Variants in FOCAD observed in about 807,000 individuals in gnomAD.
The protein encoded by FOCAD is focadhesin, also known as KIAA1797.
In FOCAD, 198 loss-of-function variants were observed where a neutral mutation model predicts 225.6. The ratio of observed to expected loss-of-function variants is 0.88; its 90% confidence interval spans 0.78 to 0.99. FOCAD has a LOEUF of 0.99. Ranked by LOEUF, FOCAD falls within the 50% of genes least tolerant of loss-of-function variation. FOCAD has a pLI of 0.00. For missense variants in FOCAD, 2,713 were observed against 2,123.6 expected (o/e 1.28, Z -5.46); for synonymous variants, 897 against 755.0 (o/e 1.19, Z -3.08).
chr9:20,991,812 C>CAA (rs58403366), intron 42 of FOCAD, among the ~76,000 whole-genome samples: 21,190 of 105,216 alleles, frequency 0.2, 2,302 homozygotes, highest in South Asian at 0.3. Context: ...GACTCTGTCT[C>CAA]AAAAAAAAAA....
intron 15 of FOCAD, among the ~76,000 whole-genome samples, chr9:20,850,615 A>G (rs188109381): frequency 4.3e-4 from 65 of 151,864 alleles, no homozygotes; most frequent in Non-Finnish European, 8.4e-4. Context: ...ACTTTTTAGG[A>G]GTTGCATGAG....
chr9:20,890,370 G>GT lies in FOCAD; in HGVS notation c.2625+5155dup, dbSNP rs773370674. ...CCTTCTAGTCCTAGATTTCTGAGAG[G>GT]TTTTTTTTTTTTTTTAATCACAAAT... On this transcript the variant is annotated intron_variant, in intron 21 of 43. Coordinates refer to ENST00000338382, the MANE Select transcript of FOCAD (RefSeq NM_001375567.1). Among the ~76,000 whole-genome samples, 955 of 132,924 alleles carry GT rather than the reference G, an allele frequency of 7.2e-3. 7 individuals are homozygous for GT. Among genetic ancestry groups the GT allele is most frequent in the Admixed American group, 0.03 (407 of 13,388 alleles). The allele number at this position is 132,924 out of a possible 152,430, so 87.2% of individuals were successfully genotyped here.
At chr9:20,793,701 C>G (rs955267271) in intron 11 of FOCAD, among the ~76,000 whole-genome samples, 3 of 152,152 alleles carry the variant, frequency 2.0e-5, no homozygotes, top group African/African-American at 4.8e-5. Context: ...CTGCTTCCAA[C>G]TGATATCAGG....
chr9:20,942,474 A>G (rs893343296), intron 28 of FOCAD, among the ~76,000 whole-genome samples: 2 of 152,222 alleles, frequency 1.3e-5, no homozygotes, highest in African/African-American at 4.8e-5. Flanking sequence ...TTCTGAAATT[A>G]GTCTGGCAAG....
Position 20,720,423 on chromosome 9 carries a change from A to T in FOCAD, c.176A>T (p.Asn59Ile), listed in dbSNP as rs764916026. 3.7e-6 allele frequency: 6 copies of T among 1,614,038 alleles called. No individual in the cohort carries two copies. The East Asian group carries it at 1.3e-4, about 36-fold the overall frequency. ...NLLWEKCCSDNVVVRTACCEG... is the reference protein window; with the variant it reads ...NLLWEKCCSDIVVVRTACCEG... ...CTGTGGGAGAAGTGTTGCAGTGACA[A>T]TGTAGTGGTTCGAACAGCCTGCTGT... Residue 59 changes from asparagine to isoleucine, a missense_variant, in exon 4 of 44, where the codon AAT becomes ATT. By Grantham distance (149) the Asn-to-Ile change is moderately radical. Transcript: ENST00000338382.
At chr9:20,905,496 A>G (rs1832879671) in intron 21 of FOCAD, among the ~76,000 whole-genome samples, 1 of 152,040 alleles carries the variant, frequency 6.6e-6, no homozygotes, top group Non-Finnish European at 1.5e-5. Context: ...TCTATGGATT[A>G]TTCGGCAAAA....
In FOCAD at chr9:20,797,229, C is replaced by A. The variant is rs150389086; in HGVS notation, c.1455+7621C>A. On this transcript the variant is annotated intron_variant, in intron 11 of 43. Coordinates refer to ENST00000338382, the MANE Select transcript of FOCAD (RefSeq NM_001375567.1). ...GTTTGGGTGACTGTAGCCTTGTAGT[C>A]TAGTTTGAAGTCAGGTAGCATGATG... Among the ~76,000 whole-genome samples, 1,510 of 152,076 alleles carry A rather than the reference C, an allele frequency of 9.9e-3. 12 individuals are homozygous for A. The highest frequency in any genetic ancestry group is 0.015 in the Non-Finnish European group (990 of 67,992).
intron 2 of FOCAD, among the ~76,000 whole-genome samples, chr9:20,677,632 A>G (rs1822274857): frequency 6.7e-6 from 1 of 149,172 alleles, no homozygotes; most frequent in Admixed American, 6.6e-5. Flanking sequence ...AGTAATCATC[A>G]TACAAATTTA....
chr9:20,808,790 A>C lies in FOCAD; in HGVS notation c.1456-11006A>C, dbSNP rs117594143. Among the ~76,000 whole-genome samples the C allele has an allele frequency of 1.7e-3, 265 of 152,282 alleles. 3 individuals carry two copies. In the East Asian group the frequency reaches 0.043, roughly 25 times the overall value. On this transcript the variant is annotated intron_variant, in intron 11 of 43. Coordinates refer to ENST00000338382, the MANE Select transcript of FOCAD (RefSeq NM_001375567.1). ...GCTGGGTGCTGTGGCCGGCTTAGCT[A>C]CTTCCTACTCTGCTACCTACTAGTT... is the stretch of plus-strand genomic sequence containing the variant.
intron 2 of FOCAD, among the ~76,000 whole-genome samples, chr9:20,674,286 T>C (rs1822162639): frequency 6.6e-6 from 1 of 152,208 alleles, no homozygotes; most frequent in South Asian, 2.1e-4. Context: ...TGCTATTGTC[T>C]CTATGGTGGA....
chr9:20,779,675 C>T (rs752573114), intron 9 of FOCAD, among the ~76,000 whole-genome samples: 4 of 151,396 alleles, frequency 2.6e-5, no homozygotes, highest in Admixed American at 6.6e-5. Flanking sequence ...ACCTGAACCC[C>T]GGAGGCAGAG....
chr9:20,821,108 A>G (rs760796426), intron 14 of FOCAD, 37 bp downstream of exon 14: 13 of 1,576,802 alleles, frequency 8.2e-6, no homozygotes, highest in Non-Finnish European at 1.0e-5. Flanking sequence ...GTATATCATG[A>G]TATATTATTT....
chr9:20,716,318 A>G, intron 2 of FOCAD: 1 of 202,298 alleles, frequency 4.9e-6, no homozygotes, highest in Non-Finnish European at 1.1e-5. Context: ...CATACGTGTT[A>G]CTGTTAAATT....
intron 15 of FOCAD, among the ~76,000 whole-genome samples, chr9:20,824,112 A>G (rs1824627980): frequency 6.6e-6 from 1 of 152,102 alleles, no homozygotes; most frequent in East Asian, 1.9e-4. Flanking sequence ...CCTGTGCCCA[A>G]TATTTGGAAA....
At chr9:20,871,277 C>T (rs1829741755) in intron 18 of FOCAD, among the ~76,000 whole-genome samples, 1 of 151,882 alleles carries the variant, frequency 6.6e-6, no homozygotes, top group Non-Finnish European at 1.5e-5. Context: ...TTATAATAGG[C>T]AGGTCGTTTT....
chr9:20,955,715 C>G (rs1428813135), intron 35 of FOCAD, among the ~76,000 whole-genome samples: 1 of 151,896 alleles, frequency 6.6e-6, no homozygotes, highest in Non-Finnish European at 1.5e-5. Flanking sequence ...TATTTTTTCC[C>G]CCTGAAGAAC....
At chr9:20,837,194 T>C (rs1826074116) in intron 15 of FOCAD, among the ~76,000 whole-genome samples, 1 of 152,092 alleles carries the variant, frequency 6.6e-6, no homozygotes, top group Non-Finnish European at 1.5e-5. Flanking sequence ...GCTTTTTGTA[T>C]GAAAAGTTCT....
chr9:20,743,835 G>A (rs989470636), intron 5 of FOCAD, among the ~76,000 whole-genome samples: 2 of 152,138 alleles, frequency 1.3e-5, no homozygotes, highest in Non-Finnish European at 2.9e-5. Context: ...GGTTCCATAC[G>A]TGAGCTTCAA....
In FOCAD at chr9:20,981,640, C is replaced by G. The variant is rs1487390415; in HGVS notation, c.4592C>G (p.Ser1531Cys). 1 of 1,612,558 alleles carries G rather than the reference C, an allele frequency of 6.2e-7. No homozygotes were observed. Among genetic ancestry groups the G allele is most frequent in the African/African-American group, 1.3e-5 (1 of 74,870 alleles). ...GCCCACCACCTCTGGAGTCTGCTCT[C>G]TGAAGCTACTGGGAAAATTTTTGAC... The part of the protein sequence containing the change: ...SPAHHLWSLL[S>C]EATGKIFDLL... Residue 1531 changes from serine to cysteine, a missense_variant, in exon 38 of 44, where the codon TCT becomes TGT. By Grantham distance (112) the Ser-to-Cys change is moderately radical. Coordinates refer to ENST00000338382, the MANE Select transcript of FOCAD (RefSeq NM_001375567.1).
Sources: gnomAD v4.1 joint callset for allele counts (sites outside exome capture counted in the v4.1 genomes callset) on GRCh38, gnomAD v4.1.1 for gene constraint, MANE v1.5 for transcripts, NCBI Gene and HGNC (gene_info 2026-07-23, HGNC 2026-07-21) for gene names.